The following VPS53 variants were observed in gnomAD, a reference collection of about 807,000 sequenced individuals.
VPS53 encodes the protein vacuolar protein sorting-associated protein 53 homolog.
In VPS53, 70 loss-of-function variants were observed where a neutral mutation model predicts 107.0. The ratio of observed to expected loss-of-function variants is 0.65; its 90% confidence interval spans 0.54 to 0.80. VPS53 has a LOEUF of 0.80. Ranked by LOEUF, VPS53 falls within the 30% of genes least tolerant of loss-of-function variation. VPS53 has a pLI of 0.00. For synonymous variants in VPS53, 409 were observed against 393.3 expected (o/e 1.04, Z -0.47); for missense variants, 917 against 1,049.4 (o/e 0.87, Z 1.74).
intron 2 of VPS53, among the ~76,000 whole-genome samples, chr17:708,734 A>G (rs149673195): frequency 6.6e-6 from 1 of 152,316 alleles, no homozygotes; most frequent in East Asian, 1.9e-4. Flanking sequence ...CAGGCATGAC[A>G]GAGGTTCTCA....
In VPS53 at chr17:631,622, C is replaced by T; in HGVS notation, c.615G>A (p.Lys205=). 6.2e-7 allele frequency: 1 copy of T among 1,613,938 alleles called. No individual in the cohort carries two copies. Among genetic ancestry groups the T allele is most frequent in the Non-Finnish European group, 8.5e-7 (1 of 1,179,886 alleles). The change falls in exon 8 of 22, where the codon AAG becomes AAA. Residue 205 remains lysine (K), a synonymous_variant. Transcript: ENST00000437048. ...PQIRQLSERV[K]AAQTELGQQI... ...GCTGTCCTAACTCAGTCTGTGCAGC[C>T]TTCACTCTGTGAGGAAGAGAGAACA...
intron 17 of VPS53, among the ~76,000 whole-genome samples, chr17:544,969 T>C (rs1911067142): frequency 6.6e-6 from 1 of 151,876 alleles, no homozygotes; most frequent in Non-Finnish European, 1.5e-5. Flanking sequence ...TAGTACCAGC[T>C]ATTTGGGAGG....
chr17:579,402 C>T (rs1167636873), intron 13 of VPS53, among the ~76,000 whole-genome samples: 2 of 151,104 alleles, frequency 1.3e-5, no homozygotes, highest in African/African-American at 2.4e-5. Context: ...AGTGCATTAC[C>T]GGAGAACCAC....
chr17:697,992 A>G (rs1016477948), intron 3 of VPS53, among the ~76,000 whole-genome samples: 2 of 152,144 alleles, frequency 1.3e-5, no homozygotes, highest in African/African-American at 4.8e-5. Flanking sequence ...ATGTTTAATC[A>G]TGGGCCACCA....
At chr17:666,854 A>C (rs942333319) in intron 4 of VPS53, among the ~76,000 whole-genome samples, 1 of 151,010 alleles carries the variant, frequency 6.6e-6, no homozygotes, top group Non-Finnish European at 1.5e-5. Flanking sequence ...AGGAAACGGA[A>C]GCTGCAGTGA....
chr17:671,685 G>A (rs1438494616), intron 4 of VPS53, among the ~76,000 whole-genome samples: 1 of 150,434 alleles, frequency 6.6e-6, no homozygotes, highest in African/African-American at 2.4e-5. Flanking sequence ...CCAGGCCCTC[G>A]TTGGAGCAGT....
At chr17:653,912 G>A (rs1490941731) in intron 6 of VPS53, among the ~76,000 whole-genome samples, 4 of 152,138 alleles carry the variant, frequency 2.6e-5, no homozygotes, top group Non-Finnish European at 5.9e-5. Flanking sequence ...TCCCCGCGCT[G>A]TGGGAGGCCG....
At chr17:621,244 C>G (rs547711646) in intron 11 of VPS53, among the ~76,000 whole-genome samples, 10 of 152,262 alleles carry the variant, frequency 6.6e-5, no homozygotes, top group African/African-American at 2.2e-4. Flanking sequence ...CAGGCGTGAG[C>G]TGCTGCGTCC....
chr17:614,806 T>C (rs1353498514), intron 11 of VPS53, among the ~76,000 whole-genome samples: 2 of 152,190 alleles, frequency 1.3e-5, no homozygotes, highest in African/African-American at 2.4e-5. Context: ...CTTTAGAATG[T>C]AATTCTAAAA....
intron 13 of VPS53, among the ~76,000 whole-genome samples, chr17:572,638 G>C (rs1229372469): frequency 6.6e-6 from 1 of 151,730 alleles, no homozygotes; most frequent in Non-Finnish European, 1.5e-5. Context: ...CCGTGTCTGT[G>C]TGGAAAGAAG....
chr17:657,179 T>C (rs924572687), intron 5 of VPS53: 5 of 1,529,186 alleles, frequency 3.3e-6, no homozygotes, highest in Non-Finnish European at 4.5e-6. Context: ...AGATGAGGGA[T>C]TCCTTTTGTG....
intron 12 of VPS53, among the ~76,000 whole-genome samples, chr17:596,212 A>G (rs908766919): frequency 5.3e-5 from 8 of 152,246 alleles, no homozygotes; most frequent in Non-Finnish European, 1.2e-4. Flanking sequence ...TTTTGCCTAT[A>G]GTTTCCTTTT....
Position 521,729 on chromosome 17 carries a change from CCAG to C in VPS53, c.2092_2094del (p.Leu698del). Reference sequence around the variant, plus strand: ...AGGACCATCTTCAGCGAGTGGGTGTCCAGCAGCAGCTGTGGAGCAAAGCAGAGA... The same window carrying C: ...AGGACCATCTTCAGCGAGTGGGTGTCCAGCAGCTGTGGAGCAAAGCAGAGA... On this transcript the variant is annotated inframe_deletion, in exon 20 of 22. Transcript: ENST00000437048. The C allele has an allele frequency of 6.5e-7, 1 of 1,544,082 alleles. No homozygotes were observed.
At chr17:706,277 G>A (rs937557509) in intron 2 of VPS53, among the ~76,000 whole-genome samples, 9 of 152,120 alleles carry the variant, frequency 5.9e-5, no homozygotes, top group African/African-American at 1.9e-4. Flanking sequence ...GGTGGCTCAC[G>A]CCTGTAATCC....
At chr17:627,381 C>A in intron 9 of VPS53, 65 bp from the exon 10 acceptor site, 5 of 1,534,820 alleles carry the variant, frequency 3.3e-6, no homozygotes, top group Admixed American at 4.2e-5. Flanking sequence ...TTCAAGGAAA[C>A]AAGCAAAAAC....
intron 19 of VPS53, chr17:523,112 C>T (rs952790166): frequency 6.6e-6 from 1 of 152,588 alleles, no homozygotes; most frequent in African/African-American, 2.4e-5. Flanking sequence ...TCCGGTTGCC[C>T]AGGTAAATGT....
At chr17:664,246 TTTTTTGTA>T in intron 4 of VPS53, among the ~76,000 whole-genome samples, 1 of 152,052 alleles carries the variant, frequency 6.6e-6, no homozygotes, top group Non-Finnish European at 1.5e-5. Flanking sequence ...ACCTGGCTAA[TTTTTTGTA>T]TTTTTAGTAG....
chr17:680,355 A>C (rs184387676), intron 4 of VPS53, among the ~76,000 whole-genome samples: 2 of 152,324 alleles, frequency 1.3e-5, no homozygotes, highest in Admixed American at 6.5e-5. Context: ...ATAACCAAAA[A>C]GAAGAAAATG....
At chr17:658,542 C>G (rs379248) in intron 5 of VPS53, among the ~76,000 whole-genome samples, 3 of 131,026 alleles carry the variant, frequency 2.3e-5, no homozygotes, top group Non-Finnish European at 4.9e-5. Context: ...TACATCCCAC[C>G]AAAGTGAGAA....
Sources: allele counts gnomAD v4.1 joint callset (sites outside exome capture counted in the v4.1 genomes callset), GRCh38; gene constraint gnomAD v4.1.1; transcripts MANE v1.5; gene names NCBI Gene and HGNC (gene_info 2026-07-23, HGNC 2026-07-21).